CCDC171: variants seen among roughly 807,000 people sequenced by gnomAD.
CCDC171 encodes coiled-coil domain containing 171, also known as coiled-coil domain-containing protein 171.
A neutral mutation model predicts 168.2 loss-of-function variants in CCDC171; 177 were observed. The observed-to-expected ratio is 1.05, with a 90% CI of 0.93 to 1.19. The LOEUF (loss-of-function observed/expected upper bound fraction) is 1.19, where lower values mean the gene tolerates loss of function less well. Ranked by LOEUF, CCDC171 falls within the 50% of genes most tolerant of loss-of-function variation. The probability of loss-of-function intolerance (pLI) is 0.00; values close to 1 mark genes in which losing one functional copy is unlikely to be tolerated. For missense variants in CCDC171, 1,991 were observed against 1,539.0 expected, an observed-to-expected ratio of 1.29 and a Z score of -4.91; for synonymous variants, 687 against 540.8, an observed-to-expected ratio of 1.27 and a Z score of -3.75.
intron 25 of CCDC171, among the ~76,000 whole-genome samples, chr9:15,937,755 G>T (rs2987067): frequency 0.99 from 150,207 of 152,058 alleles, 74,213 homozygotes; most frequent in Middle Eastern, 1. Context: ...TTCTTTAAAA[G>T]GAAATCTCCC....
intron 6 of CCDC171, among the ~76,000 whole-genome samples, chr9:16,027,734 G>C (rs2133035322): frequency 6.6e-6 from 1 of 152,270 alleles, no homozygotes; most frequent in East Asian, 1.9e-4. Context: ...GTAATCATCA[G>C]GGAAACCCAG....
chr9:15,620,631 G>A (rs897185299), intron 6 of CCDC171, among the ~76,000 whole-genome samples: 7 of 152,150 alleles, frequency 4.6e-5, no homozygotes, highest in African/African-American at 1.4e-4. Context: ...TGAAATGACA[G>A]CAAAAGATTT....
chr9:15,930,476 T>G (rs917437341), intron 25 of CCDC171, among the ~76,000 whole-genome samples: 6 of 151,584 alleles, frequency 4.0e-5, no homozygotes, highest in African/African-American at 1.4e-4. Context: ...TTAAATGATT[T>G]TCTCAGATAT....
chr9:15,685,185 A>G lies in CCDC171; in HGVS notation c.1215+6289A>G, dbSNP rs77145035. ...ACATGACAAAATATGTTAATAAAAA[A>G]TTAGAAACAATATTTTATCTTCAGT... is the stretch of plus-strand genomic sequence containing the variant. On this transcript the variant is annotated intron_variant, in intron 10 of 25. Coordinates refer to ENST00000380701, the MANE Select transcript of CCDC171 (RefSeq NM_173550.4). Among the ~76,000 whole-genome samples the G allele has an allele frequency of 9.6e-3, 1,460 of 152,338 alleles. 26 individuals are homozygous for G. Among genetic ancestry groups the G allele is most frequent in the African/African-American group, 0.034 (1,395 of 41,574 alleles).
intron 25 of CCDC171, among the ~76,000 whole-genome samples, chr9:15,969,435 A>G (rs1831133395): frequency 6.6e-6 from 1 of 152,176 alleles, no homozygotes; most frequent in African/African-American, 2.4e-5. Flanking sequence ...TAAATTATGC[A>G]TATCACTAAT....
intron 25 of CCDC171, among the ~76,000 whole-genome samples, chr9:15,942,440 C>T (rs1295046513): frequency 6.6e-6 from 1 of 151,824 alleles, no homozygotes; most frequent in Non-Finnish European, 1.5e-5. Flanking sequence ...CTCCCTGCCC[C>T]TTTCTTAAGG....
intron 25 of CCDC171, among the ~76,000 whole-genome samples, chr9:15,965,778 A>G (rs887360247): frequency 4.6e-5 from 7 of 152,200 alleles, no homozygotes; most frequent in Non-Finnish European, 1.0e-4. Context: ...TCCTTTACAG[A>G]TAAGGATAAA....
chr9:15,873,845 T>C (rs546733788), intron 23 of CCDC171, among the ~76,000 whole-genome samples: 1 of 152,252 alleles, frequency 6.6e-6, no homozygotes, highest in Non-Finnish European at 1.5e-5. Context: ...GATGTGTTTG[T>C]ATTGTTGCTT....
chr9:16,052,671 T>G (rs1833769700), intron 1 of CCDC171, among the ~76,000 whole-genome samples: 1 of 152,180 alleles, frequency 6.6e-6, no homozygotes. Flanking sequence ...GGGCCTTTTG[T>G]AGAGTCCGCC....
intron 8 of CCDC171, among the ~76,000 whole-genome samples, chr9:15,661,079 G>T (rs1273927898): frequency 6.6e-6 from 1 of 152,156 alleles, no homozygotes; most frequent in African/African-American, 2.4e-5. Context: ...AGGAGATCGA[G>T]ACCATCCTGG....
At chr9:15,688,358 C>T (rs182918181) in intron 10 of CCDC171, among the ~76,000 whole-genome samples, 1 of 152,058 alleles carries the variant, frequency 6.6e-6, no homozygotes, top group Non-Finnish European at 1.5e-5. Context: ...TAACACTTCC[C>T]ATATCATTCT....
intron 18 of CCDC171, among the ~76,000 whole-genome samples, chr9:15,768,198 A>G (rs1196480735): frequency 6.6e-6 from 1 of 151,678 alleles, no homozygotes; most frequent in Non-Finnish European, 1.5e-5. Flanking sequence ...TTCCTAAAAA[A>G]AAAAAACCCT....
intron 6 of CCDC171, among the ~76,000 whole-genome samples, chr9:15,597,855 C>T (rs2042498097): frequency 1.3e-5 from 2 of 152,260 alleles, no homozygotes; most frequent in African/African-American, 2.4e-5. Context: ...GATTCAACTT[C>T]TTCCTGGTTT....
intron 23 of CCDC171, among the ~76,000 whole-genome samples, chr9:15,857,117 A>C (rs1277731257): frequency 6.6e-6 from 1 of 151,980 alleles, no homozygotes; most frequent in East Asian, 1.9e-4. Context: ...TAAATTTTAG[A>C]AATTAAAACC....
At chr9:16,035,391 C>T (rs1050844120) in intron 6 of CCDC171, 6 of 152,108 alleles carry the variant, frequency 3.9e-5, no homozygotes, top group African/African-American at 1.4e-4. Flanking sequence ...GAATTGTCTT[C>T]TTTTTTTGTG....
At chr9:16,038,788 T>G (rs1176223447), upstream of CCDC171, among the ~76,000 whole-genome samples, 1 of 149,400 alleles carries the variant, frequency 6.7e-6, no homozygotes, top group Admixed American at 6.7e-5. Context: ...TTAAAATCTA[T>G]GTGGTTTTAT....
intron 18 of CCDC171, among the ~76,000 whole-genome samples, chr9:15,751,684 G>C (rs1041059558): frequency 6.6e-6 from 1 of 152,184 alleles, no homozygotes; most frequent in Non-Finnish European, 1.5e-5. Context: ...TAATAAGTGT[G>C]CTGGGAAAAC....
chr9:15,802,242 TTTAA>T (rs1165181192), intron 21 of CCDC171, among the ~76,000 whole-genome samples: 6 of 151,638 alleles, frequency 4.0e-5, no homozygotes, highest in South Asian at 2.1e-4. Flanking sequence ...ATTTGTAAAA[TTTAA>T]TTAATTATTT....
chr9:15,629,681 A>G (rs1487064343), intron 7 of CCDC171, among the ~76,000 whole-genome samples: 1 of 152,336 alleles, frequency 6.6e-6, no homozygotes, highest in Admixed American at 6.5e-5. Context: ...AGAGAACGCC[A>G]CAAAGATGCC....
Sources: gnomAD v4.1 joint callset for allele counts (sites outside exome capture counted in the v4.1 genomes callset) on GRCh38, gnomAD v4.1.1 for gene constraint, MANE v1.5 for transcripts, NCBI Gene and HGNC (gene_info 2026-07-23, HGNC 2026-07-21) for gene names.